Variants in WDR19 observed in about 807,000 individuals in gnomAD.
WDR19 encodes WD repeat-containing protein 19.
In WDR19, 121 loss-of-function variants were observed where a neutral mutation model predicts 180.0. That is an observed-to-expected ratio of 0.67 (90% CI 0.58 to 0.78). The LOEUF is 0.78. Among genes scored for constraint, WDR19 ranks in the 30% least tolerant of loss-of-function variants. The pLI is 0.00. For missense variants in WDR19, 1,450 were observed against 1,640.7 expected (o/e 0.88, Z 2.01); for synonymous variants, 497 against 540.7 (o/e 0.92, Z 1.12).
chr4:39,277,004 T>A lies in WDR19; in HGVS notation c.3717-16T>A. The A allele has an allele frequency of 6.2e-7, 1 of 1,610,834 alleles. No homozygotes were observed. Among genetic ancestry groups the A allele is most frequent in the South Asian group, 1.1e-5 (1 of 90,092 alleles). ...AATAAAACGGCATTTTTAAATGACA[T>A]GATTCTTCCTCACAGGAGACCCGAT... On this transcript the variant is annotated splice_polypyrimidine_tract_variant and intron_variant, in intron 33 of 36. Transcript: ENST00000399820.
chr4:39,235,927 A>G (rs1273126861), intron 20 of WDR19, among the ~76,000 whole-genome samples: 1 of 152,216 alleles, frequency 6.6e-6, no homozygotes. Flanking sequence ...TTAAAACCAC[A>G]ATGAAATACC....
intron 19 of WDR19, among the ~76,000 whole-genome samples, chr4:39,233,455 A>G (rs1560520103): frequency 6.6e-6 from 1 of 152,210 alleles, no homozygotes; most frequent in African/African-American, 2.4e-5. Flanking sequence ...CCCACGGGAT[A>G]TTTGTAAGGA....
intron 9 of WDR19, among the ~76,000 whole-genome samples, chr4:39,213,727 A>C (rs561909926): frequency 1.3e-5 from 2 of 152,150 alleles, no homozygotes; most frequent in Non-Finnish European, 2.9e-5. Context: ...GTACAAGTAA[A>C]CACACACACT....
intron 19 of WDR19, among the ~76,000 whole-genome samples, chr4:39,233,388 T>C (rs1258019876): frequency 1.3e-5 from 2 of 152,224 alleles, no homozygotes; most frequent in Non-Finnish European, 2.9e-5. Flanking sequence ...GGACATGTTA[T>C]TTAACCTTTC....
chr4:39,204,761 A>G (rs1727772021), intron 7 of WDR19, among the ~76,000 whole-genome samples: 2 of 152,216 alleles, frequency 1.3e-5, no homozygotes, highest in Admixed American at 1.3e-4. Flanking sequence ...GTGTGGACCT[A>G]TAATCCCAAA....
At chr4:39,224,803 A>G in intron 14 of WDR19, 81 bp from the exon 15 acceptor site, 1 of 1,207,442 alleles carries the variant, frequency 8.3e-7, no homozygotes, top group South Asian at 1.7e-5. Flanking sequence ...ATTAGAACAT[A>G]TGTTTAATTT....
At chr4:39,200,941 G>C (rs1727302420) in intron 6 of WDR19, among the ~76,000 whole-genome samples, 1 of 152,172 alleles carries the variant, frequency 6.6e-6, no homozygotes, top group African/African-American at 2.4e-5. Flanking sequence ...GGGAGATAGA[G>C]GAGATCAATG....
At chr4:39,250,013 G>T (rs939377211) in intron 24 of WDR19, among the ~76,000 whole-genome samples, 4 of 152,138 alleles carry the variant, frequency 2.6e-5, no homozygotes, top group African/African-American at 9.7e-5. Flanking sequence ...GCATCATCCT[G>T]ATACCAAAGC....
chr4:39,263,919 C>T (rs1314810222), intron 28 of WDR19, among the ~76,000 whole-genome samples: 2 of 45,596 alleles, frequency 4.4e-5, no homozygotes, highest in African/African-American at 1.4e-4. Flanking sequence ...AGCGAAACTC[C>T]ATCTAAAAAA....
chr4:39,199,749 T>G (rs1273119458), intron 6 of WDR19, among the ~76,000 whole-genome samples, 156 bp downstream of exon 6: 2 of 152,248 alleles, frequency 1.3e-5, no homozygotes, highest in Non-Finnish European at 2.9e-5. Context: ...ACCTTTCTAT[T>G]TATTGTCAGA....
At chr4:39,191,770 C>G (rs1726171083) in intron 4 of WDR19, among the ~76,000 whole-genome samples, 1 of 152,154 alleles carries the variant, frequency 6.6e-6, no homozygotes, top group African/African-American at 2.4e-5. Context: ...TACTCAGTGT[C>G]TTTTTAAATT....
In WDR19 at chr4:39,215,936, C is replaced by G; in HGVS notation, c.1057C>G (p.Leu353Val). Residue 353 changes from leucine to valine, a missense_variant, in exon 11 of 37, where the codon CTT becomes GTT. Transcript: ENST00000399820. The part of the protein sequence containing the change: ...LHVFLTKLPI[L>V]GDACSTRIAY... ...TGTTTTCCTGACCAAGCTTCCCATA[C>G]TTGGGGATGCCTGCAGCACAAGGAT... is the stretch of plus-strand genomic sequence containing the variant. 6.2e-7 allele frequency: 1 copy of G among 1,613,722 alleles called. No homozygotes were observed. Among genetic ancestry groups the G allele is most frequent in the Non-Finnish European group, 8.5e-7 (1 of 1,179,762 alleles).
chr4:39,248,501 A>G (rs564487786), intron 24 of WDR19, among the ~76,000 whole-genome samples: 1 of 152,238 alleles, frequency 6.6e-6, no homozygotes, highest in Non-Finnish European at 1.5e-5. Context: ...CACACATAAC[A>G]ATACTAATCT....
chr4:39,221,697 A>G lies in WDR19; in HGVS notation c.1480-3187A>G, dbSNP rs545611962. Among the ~76,000 whole-genome samples, 19 of 152,124 alleles carry G rather than the reference A, an allele frequency of 1.2e-4. No homozygotes were observed. The East Asian group carries it at 3.5e-3, about 28-fold the overall frequency. On this transcript the variant is annotated intron_variant, in intron 14 of 36. Coordinates refer to ENST00000399820, the MANE Select transcript of WDR19 (RefSeq NM_025132.4). ...CCTCCCTCTCATCTGTCCCCACCCC[A>G]TGCTTTTTCTGTAACTGTAAATGTA... is the stretch of plus-strand genomic sequence containing the variant.
Position 39,217,134 on chromosome 4 carries a change from C to T in WDR19, c.1250C>T (p.Ala417Val). 1 of 1,597,012 alleles carries T rather than the reference C, an allele frequency of 6.3e-7. No homozygotes were observed. The highest frequency in any genetic ancestry group is 8.5e-7 in the Non-Finnish European group (1 of 1,170,920). ...TGTTGGTTTTTAAAAATTGCTACAG[C>T]TGTGAAAAAATTGAAAGATATGGAG... Reference protein sequence around the residue: ...RAWFYVLGENAVKKLKDMEYL... With the variant: ...RAWFYVLGENVVKKLKDMEYL... Residue 417 changes from alanine (A) to valine (V), a missense_variant and splice_region_variant, in exon 13 of 37, where the codon GCT becomes GTT. Ala to Val is a moderately conservative substitution (Grantham distance 64). Coordinates refer to ENST00000399820, the MANE Select transcript of WDR19 (RefSeq NM_025132.4).
intron 28 of WDR19, 76 bp from the exon 29 acceptor site, chr4:39,265,987 A>G: frequency 8.1e-7 from 1 of 1,228,722 alleles, no homozygotes; most frequent in Non-Finnish European, 1.2e-6. Context: ...CTCCCTAAGC[A>G]GAAGATTGTC....
At position 39,214,616 on chromosome 4, in the gene WDR19, C is replaced by T. The variant is rs763697118; in HGVS notation, c.906C>T (p.Asp302=). ...TGTTTTTCAGCATTAAAATCCAAGACTTGGTTGACTTAAAAGACATGTATG... is the reference window on the plus strand; with the variant it reads ...TGTTTTTCAGCATTAAAATCCAAGATTTGGTTGACTTAAAAGACATGTATG... ...TCGDNCIKIQ[D]LVDLKDMYVI... Residue 302 remains aspartate, a synonymous_variant, in exon 10 of 37, where the codon GAC becomes GAT. Coordinates refer to ENST00000399820, the MANE Select transcript of WDR19 (RefSeq NM_025132.4). 6.4e-7 allele frequency: 1 copy of T among 1,568,978 alleles called. No homozygotes were observed. The highest frequency in any genetic ancestry group is 2.3e-5 in the East Asian group (1 of 44,404).
rs1730105141 is a variant in WDR19 at position 39,225,034 on chromosome 4, G to A, written c.1629+1G>A. The A allele has an allele frequency of 3.9e-6, 6 of 1,546,984 alleles. No homozygotes were observed. The highest frequency in any genetic ancestry group is 4.4e-6 in the Non-Finnish European group (5 of 1,147,674). ...AAGTGATGGATTTGTTTACTGTCCA[G>A]TAAGTCTGGAACATTTTTAAATGTT... is the stretch of plus-strand genomic sequence containing the variant. On this transcript the variant is annotated splice_donor_variant, in intron 15 of 36. Coordinates refer to ENST00000399820, the MANE Select transcript of WDR19 (RefSeq NM_025132.4). LOFTEE classifies it high-confidence loss of function.
chr4:39,194,600 C>T lies in WDR19; in HGVS notation c.347C>T (p.Thr116Ile). 6.2e-7 allele frequency: 1 copy of T among 1,613,290 alleles called. No individual in the cohort carries two copies. The highest frequency in any genetic ancestry group is 8.5e-7 in the Non-Finnish European group (1 of 1,179,554). Reference sequence around the variant, plus strand: ...GTTGGAAGTTTCCTGGCTGTTGGAACTGTTAAAGGAAATTTGCTTATTTAT... The same window carrying T: ...GTTGGAAGTTTCCTGGCTGTTGGAATTGTTAAAGGAAATTTGCTTATTTAT... ...SKVGSFLAVG[T>I]VKGNLLIYNH... Residue 116 changes from threonine to isoleucine, a missense_variant, in exon 5 of 37, where the codon ACT becomes ATT. By Grantham distance (89) the Thr-to-Ile change is moderately conservative (BLOSUM62 -1). Transcript: ENST00000399820.
Sources: allele counts gnomAD v4.1 joint callset (sites outside exome capture counted in the v4.1 genomes callset), GRCh38; gene constraint gnomAD v4.1.1; transcripts MANE v1.5; gene names NCBI Gene and HGNC (gene_info 2026-07-23, HGNC 2026-07-21).